The following NUP205 variants were observed in gnomAD, a reference collection of about 807,000 sequenced individuals.
NUP205 encodes nucleoporin 205.
NUP205 carries 76 observed loss-of-function variants against 253.8 expected under a neutral mutation model. The ratio of observed to expected loss-of-function variants is 0.30; its 90% CI spans 0.25 to 0.36. NUP205 has a LOEUF of 0.36. NUP205 is among the 10% of genes least tolerant of loss of function. The probability of loss-of-function intolerance (pLI) is 1.00; values close to 1 mark genes in which losing one functional copy is unlikely to be tolerated. For synonymous variants in NUP205, 832 were observed against 850.1 expected (o/e 0.98, Z 0.37); for missense variants, 2,162 against 2,425.5 (o/e 0.89, Z 2.28).
intron 35 of NUP205, among the ~76,000 whole-genome samples, chr7:135,632,929 A>G (rs1455603476): frequency 6.6e-6 from 1 of 152,002 alleles, no homozygotes; most frequent in Non-Finnish European, 1.5e-5. Flanking sequence ...GTTGTGAGAT[A>G]GTTAACCAGA....
chr7:135,610,174 A>T (rs982088320), intron 22 of NUP205, among the ~76,000 whole-genome samples: 8 of 152,212 alleles, frequency 5.3e-5, no homozygotes, highest in African/African-American at 1.9e-4. Context: ...AGCCAAGGAA[A>T]ACATGTCCAT....
intron 7 of NUP205, among the ~76,000 whole-genome samples, chr7:135,580,518 T>A (rs1225382989): frequency 6.6e-6 from 1 of 152,208 alleles, no homozygotes; most frequent in Admixed American, 6.5e-5. Flanking sequence ...CAGACTGGAA[T>A]GCAGTGGCAT....
At chr7:135,628,198 G>A in intron 34 of NUP205, 87 bp downstream of exon 34, 1 of 1,268,202 alleles carries the variant, frequency 7.9e-7, no homozygotes, top group East Asian at 2.4e-5. Flanking sequence ...GAATGCTTAA[G>A]TGAATTTACG....
chr7:135,565,233 A>G (rs995819068), intron 1 of NUP205, among the ~76,000 whole-genome samples: 1 of 152,080 alleles, frequency 6.6e-6, no homozygotes, highest in Non-Finnish European at 1.5e-5. Flanking sequence ...AATGAGGGAG[A>G]GAAAATTAAC....
At chr7:135,630,610 A>G in intron 35 of NUP205, 140 bp downstream of exon 35, 2 of 622,336 alleles carry the variant, frequency 3.2e-6, no homozygotes, top group African/African-American at 1.9e-5. Flanking sequence ...TATTTATGTA[A>G]TAAGTTTATG....
chr7:135,568,067 A>G (rs1336101412), intron 1 of NUP205, among the ~76,000 whole-genome samples: 1 of 152,080 alleles, frequency 6.6e-6, no homozygotes, highest in South Asian at 2.1e-4. Context: ...TCTAATAAAA[A>G]TACAAAAATT....
At chr7:135,592,964 T>G (rs1806668220) in intron 11 of NUP205, 23 bp from the exon 12 acceptor site, 2 of 1,500,622 alleles carry the variant, frequency 1.3e-6, no homozygotes. Flanking sequence ...TTAAATAAAA[T>G]TCTGTGCTGT....
At chr7:135,582,979 A>T (rs1806349548) in intron 7 of NUP205, among the ~76,000 whole-genome samples, 1 of 152,130 alleles carries the variant, frequency 6.6e-6, no homozygotes, top group Non-Finnish European at 1.5e-5. Flanking sequence ...AGTCCCAGCT[A>T]CTTGGGAGGC....
chr7:135,561,056 T>A (rs958118735), intron 1 of NUP205, among the ~76,000 whole-genome samples: 9 of 152,124 alleles, frequency 5.9e-5, no homozygotes, highest in Non-Finnish European at 1.3e-4. Flanking sequence ...TTCTAAGACC[T>A]ATGGTTGGCC....
At position 135,593,120 on chromosome 7, in the gene NUP205, C is replaced by T; in HGVS notation, c.1758C>T (p.Ser586=). The change falls in exon 12 of 43, where the codon TCC becomes TCT. Residue 586 remains serine (S), a synonymous_variant. Coordinates refer to ENST00000285968, the MANE Select transcript of NUP205 (RefSeq NM_015135.3). ...ADSVQYRHLP[S]RGITQKEQDG... ...GTGTCCAGTACCGTCACCTTCCTTC[C>T]CGTGGCATCACCCAGAAGGAGCAAG... 2 of 1,614,078 alleles carry T rather than the reference C, an allele frequency of 1.2e-6. No individual in the cohort carries two copies. Among genetic ancestry groups the T allele is most frequent in the South Asian group, 1.1e-5 (1 of 91,078 alleles).
rs943885642 is a variant in NUP205 at position 135,648,583 on chromosome 7, G to A, written c.*27G>A. 3 of 1,462,966 alleles carry A rather than the reference G, an allele frequency of 2.1e-6. No individual in the cohort carries two copies. Among genetic ancestry groups the A allele is most frequent in the African/African-American group, 2.9e-5 (2 of 68,356 alleles). 90.6% of individuals were successfully genotyped at this position (1,462,966 alleles called of 1,614,324 possible). ...AGCCCGTGCTTATGCTCTTCTATGA[G>A]AGAGATGAATTGGGGAGAATTGTCT... On this transcript the variant is annotated 3_prime_UTR_variant, in exon 43 of 43. Coordinates refer to ENST00000285968, the MANE Select transcript of NUP205 (RefSeq NM_015135.3).
At chr7:135,601,625 T>A in intron 17 of NUP205, 118 bp downstream of exon 17, 6 of 1,131,198 alleles carry the variant, frequency 5.3e-6, no homozygotes, top group Non-Finnish European at 7.5e-6. Flanking sequence ...ATTCTCTCTC[T>A]GTATCTGAAG....
Position 135,602,893 on chromosome 7 carries a change from AAGAG to A in NUP205, c.2606_2609del (p.Glu869ValfsTer5), listed in dbSNP as rs1360041011. ...AGGAAAATCTTTTTATGGACCTTCT[AAGAG>A]AGAGTCAACTGGCTCTAATAGTCTG... is the stretch of plus-strand genomic sequence containing the variant. On this transcript the variant is annotated frameshift_variant, in exon 18 of 43. Coordinates refer to ENST00000285968, the MANE Select transcript of NUP205 (RefSeq NM_015135.3). LOFTEE classifies it high-confidence loss of function. 1.9e-6 allele frequency: 3 copies of A among 1,613,642 alleles called. No individual in the cohort carries two copies. Among genetic ancestry groups the A allele is most frequent in the Non-Finnish European group, 2.5e-6 (3 of 1,179,620 alleles).
At chr7:135,595,030 T>A (rs1429087260) in intron 13 of NUP205, among the ~76,000 whole-genome samples, 3 of 152,172 alleles carry the variant, frequency 2.0e-5, no homozygotes, top group Admixed American at 6.5e-5. Flanking sequence ...GTCCACTCTG[T>A]CTTTAAACCA....
chr7:135,589,932 GT>G (rs1806580979), intron 10 of NUP205, among the ~76,000 whole-genome samples: 1 of 151,016 alleles, frequency 6.6e-6, no homozygotes, highest in East Asian at 1.9e-4. Context: ...GAAAAAGAAT[GT>G]TTTGGAGAAA....
chr7:135,648,387 T>C lies in NUP205; in HGVS notation c.5887-17T>C. On this transcript the variant is annotated splice_polypyrimidine_tract_variant and intron_variant, in intron 42 of 42. Transcript: ENST00000285968. Reference sequence around the variant, plus strand: ...GAGACAACAATTTTAACAAAATGTCTTTTGTGTCACCGCTAGCTTCAGGCT... The same window carrying C: ...GAGACAACAATTTTAACAAAATGTCCTTTGTGTCACCGCTAGCTTCAGGCT... 6.5e-7 allele frequency: 1 copy of C among 1,533,528 alleles called. No homozygotes were observed. The highest frequency in any genetic ancestry group is 8.7e-7 in the Non-Finnish European group (1 of 1,146,308). The allele number at this position is 1,533,528 out of a possible 1,614,324, so 95.0% of individuals were successfully genotyped here.
intron 7 of NUP205, among the ~76,000 whole-genome samples, chr7:135,583,021 C>T (rs574971669): frequency 3.2e-4 from 49 of 152,118 alleles, no homozygotes; most frequent in Admixed American, 1.9e-3. Context: ...ACCTGGGAGG[C>T]GGAGGTTGCA....
chr7:135,562,409 G>T (rs1292957012), intron 1 of NUP205, among the ~76,000 whole-genome samples: 1 of 151,726 alleles, frequency 6.6e-6, no homozygotes, highest in Non-Finnish European at 1.5e-5. Context: ...CGTTGGCCAG[G>T]GGTGCCTCGA....
intron 35 of NUP205, among the ~76,000 whole-genome samples, chr7:135,635,034 T>C (rs557390092): frequency 3.5e-4 from 53 of 152,290 alleles, no homozygotes; most frequent in Non-Finnish European, 4.9e-4. Context: ...TGACATGTTA[T>C]GGTCACTGGC....
Sources: allele counts gnomAD v4.1 joint callset (sites outside exome capture counted in the v4.1 genomes callset), GRCh38; gene constraint gnomAD v4.1.1; transcripts MANE v1.5; gene names NCBI Gene and HGNC (gene_info 2026-07-23, HGNC 2026-07-21).